The following ZMYM2 variants were observed in gnomAD, a reference collection of about 807,000 sequenced individuals.
ZMYM2 encodes the protein zinc finger MYM-type protein 2.
In ZMYM2, 56 loss-of-function variants were observed where a neutral mutation model predicts 162.8. The ratio of observed to expected loss-of-function variants is 0.34; its 90% CI spans 0.28 to 0.43. ZMYM2 has a LOEUF of 0.43. Among genes scored for constraint, ZMYM2 ranks in the 20% least tolerant of loss-of-function variants. ZMYM2 has a pLI of 1.00. For synonymous variants in ZMYM2, 510 were observed against 541.6 expected, an observed-to-expected ratio of 0.94 and a Z score of 0.81; for missense variants, 1,275 against 1,621.8, an observed-to-expected ratio of 0.79 and a Z score of 3.67.
At chr13:20,041,196 G>C (rs1954215929) in intron 12 of ZMYM2, among the ~76,000 whole-genome samples, 1 of 152,166 alleles carries the variant, frequency 6.6e-6, no homozygotes, top group East Asian at 1.9e-4. Context: ...AGGAGTCTAA[G>C]TCTCTTTGTA....
chr13:19,959,831 A>G (rs1243109817), intron 1 of ZMYM2, 127 bp from the exon 2 acceptor site: 1 of 152,412 alleles, frequency 6.6e-6, no homozygotes, highest in African/African-American at 2.4e-5. Flanking sequence ...TGGTGGGGGT[A>G]ATAATAGAAG....
chr13:20,076,128 A>T (rs541092612), intron 21 of ZMYM2, among the ~76,000 whole-genome samples: 2 of 150,474 alleles, frequency 1.3e-5, no homozygotes, highest in Admixed American at 1.3e-4. Flanking sequence ...TCTACATCTT[A>T]CTTTCTCTTC....
chr13:19,880,175 G>A, the ZMYM2 span, among the ~76,000 whole-genome samples: 100 of 152,196 alleles, frequency 6.6e-4, no homozygotes, highest in Middle Eastern at 0.01. Context: ...GGACTTCTTG[G>A]CCCCCATAAG....
the ZMYM2 span, among the ~76,000 whole-genome samples, chr13:19,924,705 C>T: frequency 3.3e-5 from 5 of 151,948 alleles, no homozygotes; most frequent in African/African-American, 1.2e-4. Context: ...TTTATCTGTT[C>T]GTCTATGGAT....
At chr13:19,997,592 A>G (rs1173822955) in intron 3 of ZMYM2, among the ~76,000 whole-genome samples, 2 of 152,164 alleles carry the variant, frequency 1.3e-5, no homozygotes, top group Admixed American at 6.5e-5. Context: ...TGCTTTTTAG[A>G]AAGCTCTTAG....
the ZMYM2 span, among the ~76,000 whole-genome samples, chr13:19,867,598 T>C: frequency 6.6e-6 from 1 of 152,134 alleles, no homozygotes; most frequent in African/African-American, 2.4e-5. Context: ...GTTGCTATAT[T>C]TTTAAAAAGA....
At chr13:19,937,454 C>T in the ZMYM2 span, among the ~76,000 whole-genome samples, 1 of 114,642 alleles carries the variant, frequency 8.7e-6, no homozygotes, top group Non-Finnish European at 1.7e-5. Flanking sequence ...CCTAGTATTC[C>T]TCTTTTTTTT....
chr13:19,877,391 A>G, the ZMYM2 span, among the ~76,000 whole-genome samples: 3 of 152,140 alleles, frequency 2.0e-5, no homozygotes, highest in Non-Finnish European at 4.4e-5. Flanking sequence ...AGAGAAAGCA[A>G]GAGAGAGAAA....
chr13:20,007,380 A>T (rs1594319004), intron 6 of ZMYM2, among the ~76,000 whole-genome samples: 1 of 151,920 alleles, frequency 6.6e-6, no homozygotes, highest in Admixed American at 6.6e-5. Context: ...CAGGTGATCC[A>T]CCTGCCTCAG....
chr13:20,026,733 G>C lies in ZMYM2; in HGVS notation c.1706G>C (p.Ser569Thr), dbSNP rs749869088. 6.3e-7 allele frequency: 1 copy of C among 1,597,346 alleles called. No individual in the cohort carries two copies. Among genetic ancestry groups the C allele is most frequent in the Non-Finnish European group, 8.5e-7 (1 of 1,176,486 alleles). ...EPYCSTACMN[S>T]HKTKYAKSQS... ...TATTGTTCAACTGCTTGTATGAACA[G>C]TCACAAGACAAAATATGCAAAATCA... is the stretch of plus-strand genomic sequence containing the variant. Residue 569 changes from serine to threonine, a missense_variant, in exon 8 of 25, where the codon AGT becomes ACT. Physicochemically the swap from Ser to Thr is moderately conservative, Grantham distance 58. Transcript: ENST00000610343.
At chr13:19,889,235 C>T in the ZMYM2 span, among the ~76,000 whole-genome samples, 13 of 151,982 alleles carry the variant, frequency 8.6e-5, no homozygotes, top group Admixed American at 8.5e-4. Context: ...CGCCAAAACC[C>T]TTGGGGTTTC....
chr13:19,931,035 G>A, the ZMYM2 span, among the ~76,000 whole-genome samples: 302 of 151,206 alleles, frequency 2.0e-3, no homozygotes, highest in South Asian at 5.0e-3. Context: ...GCTACTTGGG[G>A]GGCTGAGGCA....
intron 9 of ZMYM2, among the ~76,000 whole-genome samples, chr13:20,027,693 G>A (rs1952711315): frequency 6.6e-6 from 1 of 152,060 alleles, no homozygotes; most frequent in Non-Finnish European, 1.5e-5. Flanking sequence ...AAGAATACTT[G>A]CTTTCTTCAT....
intron 22 of ZMYM2, among the ~76,000 whole-genome samples, chr13:20,082,437 G>A (rs1388724976): frequency 6.6e-6 from 1 of 152,080 alleles, no homozygotes; most frequent in Non-Finnish European, 1.5e-5. Context: ...TTTTCAGTCC[G>A]TGAAGAAAAT....
the ZMYM2 span, among the ~76,000 whole-genome samples, chr13:19,867,878 AG>A: frequency 6.6e-6 from 1 of 152,310 alleles, no homozygotes; most frequent in African/African-American, 2.4e-5. Flanking sequence ...TGCCCACCTC[AG>A]CCTCCCAGAG....
rs4769932 is a variant in ZMYM2 at position 19,991,048 on chromosome 13, C to G, written c.-10-2015C>G. Among the ~76,000 whole-genome samples the G allele has an allele frequency of 1.7e-3, 234 of 141,384 alleles. 3 individuals are homozygous for G. The South Asian group carries it at 0.028, about 17-fold the overall frequency. The allele number at this position is 141,384 out of a possible 152,430, so 92.8% of individuals were successfully genotyped here. A position where few individuals can be genotyped will look rare whatever the true frequency, so the allele number is the denominator to read the frequency against. ...TAACTTTGTCCTAGAAATTTTCTCT[C>G]TGTGTGTGTGTGTGTGTACGTATGT... On this transcript the variant is annotated intron_variant, in intron 2 of 24. Transcript: ENST00000610343.
the ZMYM2 span, among the ~76,000 whole-genome samples, chr13:19,874,872 T>G: frequency 6.6e-6 from 1 of 152,110 alleles, no homozygotes; most frequent in Non-Finnish European, 1.5e-5. Flanking sequence ...AACATCATGA[T>G]GAGATACCAG....
chr13:19,979,428 C>CTTTTTTTTTT (rs71763618), intron 2 of ZMYM2, among the ~76,000 whole-genome samples: 1 of 110,852 alleles, frequency 9.0e-6, no homozygotes. Flanking sequence ...TTTTTCTGCA[C>CTTTTTTTTTT]TTTTTTTTTT....
rs1415384360 is a variant in ZMYM2, at chr13:20,045,286, A to G, written c.2293-6147A>G. 5.3e-5 allele frequency among the ~76,000 whole-genome samples: 8 copies of G among 152,164 alleles called. No individual in the cohort carries two copies. The South Asian group carries it at 8.3e-4, about 16-fold the overall frequency. ...TAGCATATTGTAAATAAAAAAAGGA[A>G]GATGCTTTCCAAGTTAAGAGCTGTA... On this transcript the variant is annotated intron_variant, in intron 12 of 24. Coordinates refer to ENST00000610343, the MANE Select transcript of ZMYM2 (RefSeq NM_197968.4).
Sources: gnomAD v4.1 joint callset for allele counts (sites outside exome capture counted in the v4.1 genomes callset) on GRCh38, gnomAD v4.1.1 for gene constraint, MANE v1.5 for transcripts, NCBI Gene and HGNC (gene_info 2026-07-23, HGNC 2026-07-21) for gene names.